CLNK: variants seen among roughly 807,000 people sequenced by gnomAD.
The protein encoded by CLNK is cytokine dependent hematopoietic cell linker.
Under a neutral mutation model 68.6 loss-of-function variants are expected in CLNK, and 74 were observed. The ratio of observed to expected loss-of-function variants is 1.08; its 90% CI spans 0.89 to 1.31. CLNK has a LOEUF of 1.31. CLNK is among the 50% of genes most tolerant of loss of function. The pLI is 0.00. For missense variants in CLNK, 553 were observed against 515.3 expected, an observed-to-expected ratio of 1.07 and a Z score of -0.71; for synonymous variants, 198 against 172.2, an observed-to-expected ratio of 1.15 and a Z score of -1.17.
chr4:10,564,492 GCTACCAGTCATAAGAGTCACCTC>G (rs1198632332), intron 7 of CLNK, among the ~76,000 whole-genome samples, 156 bp downstream of exon 7: 2 of 152,132 alleles, frequency 1.3e-5, no homozygotes, highest in Non-Finnish European at 2.9e-5. Flanking sequence ...GGGCCATGAT[GCTACCAGTCATAAGAGTCACCTC>G]CTACCAGTCA....
At chr4:10,733,459 G>A in the CLNK span, among the ~76,000 whole-genome samples, 91 of 152,284 alleles carry the variant, frequency 6.0e-4, 1 homozygote, top group Middle Eastern at 6.8e-3. Flanking sequence ...TTGGTAAGCT[G>A]GAGAAACTCT....
At chr4:10,508,863 C>T (rs568775405) in intron 16 of CLNK, among the ~76,000 whole-genome samples, 5 of 152,184 alleles carry the variant, frequency 3.3e-5, no homozygotes, top group Non-Finnish European at 7.4e-5. Context: ...AATCCCAGCA[C>T]TTTGGGAGGC....
chr4:10,571,132 G>A (rs761974450), intron 5 of CLNK, among the ~76,000 whole-genome samples: 31 of 151,976 alleles, frequency 2.0e-4, no homozygotes, highest in Admixed American at 3.9e-4. Flanking sequence ...TTCTCATAAC[G>A]CACTTGCCGG....
chr4:10,567,164 G>A (rs1281615476), intron 5 of CLNK, among the ~76,000 whole-genome samples: 3 of 149,324 alleles, frequency 2.0e-5, no homozygotes, highest in African/African-American at 2.5e-5. Context: ...TAAAGTTGGA[G>A]GACTAACACT....
At chr4:10,714,094 G>C in the CLNK span, among the ~76,000 whole-genome samples, 1 of 152,098 alleles carries the variant, frequency 6.6e-6, no homozygotes, top group Non-Finnish European at 1.5e-5. Flanking sequence ...GTGGAAGAAA[G>C]TGCCAGGGAG....
rs184951440 is a variant in CLNK at position 10,523,365 on chromosome 4, G to A, written c.731+2476C>T. Among the ~76,000 whole-genome samples the A allele has an allele frequency of 2.0e-5, 3 of 152,320 alleles. No individual in the cohort carries two copies. The East Asian group carries it at 5.8e-4, about 29-fold the overall frequency. ...ATTAGATACACAGGTCTGGAGCTGA[G>A]AGAGGTGATTTGCAGAAGATAGGGA... On this transcript the variant is annotated intron_variant, in intron 14 of 18. Transcript: ENST00000226951.
chr4:10,596,481 T>C (rs1013011809), intron 3 of CLNK, among the ~76,000 whole-genome samples: 1 of 152,240 alleles, frequency 6.6e-6, no homozygotes, highest in Non-Finnish European at 1.5e-5. Flanking sequence ...CTTCCTTATC[T>C]TATCATCATC....
At chr4:10,571,065 G>A (rs1720324131) in intron 5 of CLNK, among the ~76,000 whole-genome samples, 1 of 152,066 alleles carries the variant, frequency 6.6e-6, no homozygotes, top group African/African-American at 2.4e-5. Context: ...TTATGAAATT[G>A]CTCTCTGGAA....
At chr4:10,726,243 C>T in the CLNK span, among the ~76,000 whole-genome samples, 1 of 152,146 alleles carries the variant, frequency 6.6e-6, no homozygotes, top group South Asian at 2.1e-4. Flanking sequence ...TGCCTCACGC[C>T]TCAGGTAGCT....
chr4:10,628,647 C>T (rs1267920368), intron 2 of CLNK, among the ~76,000 whole-genome samples: 1 of 152,188 alleles, frequency 6.6e-6, no homozygotes, highest in African/African-American at 2.4e-5. Context: ...GCCTCTGCTC[C>T]TCCTTCTTCA....
At chr4:10,616,784 G>GTATACATATATA (rs1323743699) in intron 2 of CLNK, among the ~76,000 whole-genome samples, 5 of 11,190 alleles carry the variant, frequency 4.5e-4, no homozygotes, top group African/African-American at 8.0e-4. Flanking sequence ...ATATATGTGT[G>GTATACATATATA]TGTGTGTATA....
chr4:10,595,771 T>G (rs941943896), intron 3 of CLNK, among the ~76,000 whole-genome samples: 1 of 152,150 alleles, frequency 6.6e-6, no homozygotes, highest in Non-Finnish European at 1.5e-5. Flanking sequence ...TTATTCACCC[T>G]CTCTGGGCTG....
At chr4:10,627,992 G>C (rs1189038327) in intron 2 of CLNK, among the ~76,000 whole-genome samples, 2 of 152,228 alleles carry the variant, frequency 1.3e-5, no homozygotes, top group African/African-American at 2.4e-5. Flanking sequence ...CCAGAATCCA[G>C]GTCTCAGACT....
At chr4:10,614,588 G>A (rs557607762) in intron 2 of CLNK, among the ~76,000 whole-genome samples, 4 of 152,280 alleles carry the variant, frequency 2.6e-5, no homozygotes, top group Non-Finnish European at 5.9e-5. Flanking sequence ...CCAAGGGCTG[G>A]TTAGGCAGGC....
the CLNK span, among the ~76,000 whole-genome samples, chr4:10,697,855 G>A: frequency 1.7e-4 from 26 of 152,218 alleles, no homozygotes; most frequent in African/African-American, 6.3e-4. Context: ...TTTTTGAATT[G>A]TGAGAATAAA....
At chr4:10,559,278 C>A (rs1719797773) in intron 7 of CLNK, among the ~76,000 whole-genome samples, 1 of 152,144 alleles carries the variant, frequency 6.6e-6, no homozygotes, top group South Asian at 2.1e-4. Flanking sequence ...CATTGAATCC[C>A]CCATTACTCT....
At chr4:10,535,837 G>C (rs552715913) in intron 11 of CLNK, among the ~76,000 whole-genome samples, 1 of 151,948 alleles carries the variant, frequency 6.6e-6, no homozygotes, top group South Asian at 2.1e-4. Flanking sequence ...TATTTAAGTT[G>C]AAAAAAATGA....
chr4:10,588,111 G>GTTT (rs1721038149), intron 3 of CLNK, among the ~76,000 whole-genome samples: 1 of 152,222 alleles, frequency 6.6e-6, no homozygotes, highest in African/African-American at 2.4e-5. Context: ...GAAATGATAT[G>GTTT]TTTTTGTGAT....
chr4:10,704,300 T>C, the CLNK span, among the ~76,000 whole-genome samples: 1 of 152,184 alleles, frequency 6.6e-6, no homozygotes, highest in Non-Finnish European at 1.5e-5. Context: ...TGTTTTCTGC[T>C]TTGCAAAATG....
Sources: gnomAD v4.1 joint callset for allele counts (sites outside exome capture counted in the v4.1 genomes callset) on GRCh38, gnomAD v4.1.1 for gene constraint, MANE v1.5 for transcripts, NCBI Gene and HGNC (gene_info 2026-07-23, HGNC 2026-07-21) for gene names.